The following USH2A variants were observed in gnomAD, a reference collection of about 807,000 sequenced individuals.
USH2A encodes the protein usherin.
In USH2A, 443 loss-of-function variants were observed where a neutral mutation model predicts 538.9. The observed-to-expected ratio is 0.82, with a 90% CI of 0.76 to 0.89. USH2A has a LOEUF of 0.89. USH2A is among the 40% of genes least tolerant of loss of function. The probability of loss-of-function intolerance (pLI) is 0.00; values close to 1 mark genes in which losing one functional copy is unlikely to be tolerated. For synonymous variants in USH2A, 2,413 were observed against 2,273.5 expected (o/e 1.06, Z -1.75); for missense variants, 6,633 against 6,324.8 (o/e 1.05, Z -1.65).
chr1:215,630,364 T>G, intron 70 of USH2A: 1 of 432,324 alleles, frequency 2.3e-6, no homozygotes, highest in Non-Finnish European at 4.7e-6. Flanking sequence ...AATACTGCTC[T>G]GATGTACATA....
chr1:215,915,128 T>C (rs185810351), intron 38 of USH2A, among the ~76,000 whole-genome samples: 1 of 152,210 alleles, frequency 6.6e-6, no homozygotes, highest in African/African-American at 2.4e-5. Flanking sequence ...TGAAGCTTCA[T>C]AACATAAATG....
At chr1:216,228,978 C>G (rs1190971421) in intron 14 of USH2A, among the ~76,000 whole-genome samples, 1 of 152,066 alleles carries the variant, frequency 6.6e-6, no homozygotes, top group African/African-American at 2.4e-5. Flanking sequence ...CTAAGACCAG[C>G]CTGACCAACA....
intron 38 of USH2A, among the ~76,000 whole-genome samples, chr1:215,926,287 AAGGTCTT>A (rs1264929070): frequency 6.6e-6 from 1 of 151,574 alleles, no homozygotes; most frequent in Non-Finnish European, 1.5e-5. Flanking sequence ...TCATTGCTCT[AAGGTCTT>A]AGAAAGAGAT....
chr1:216,411,614 G>T (rs908103730), intron 3 of USH2A, among the ~76,000 whole-genome samples: 1 of 152,072 alleles, frequency 6.6e-6, no homozygotes, highest in African/African-American at 2.4e-5. Flanking sequence ...TCATGCAGTG[G>T]GTGGTGGCTA....
intron 9 of USH2A, among the ~76,000 whole-genome samples, chr1:216,299,111 G>C (rs1258146274): frequency 6.6e-6 from 1 of 152,054 alleles, no homozygotes; most frequent in African/African-American, 2.4e-5. Context: ...CAAAGTGCTA[G>C]GTTTACAGGC....
At chr1:215,814,456 A>T (rs1199597649) in intron 48 of USH2A, among the ~76,000 whole-genome samples, 9 of 152,122 alleles carry the variant, frequency 5.9e-5, no homozygotes, top group South Asian at 2.1e-4. Flanking sequence ...AATTAAATTT[A>T]AAAAATTGTA....
chr1:216,019,259 GC>G (rs1486082518), intron 32 of USH2A, among the ~76,000 whole-genome samples: 2 of 152,166 alleles, frequency 1.3e-5, no homozygotes, highest in Non-Finnish European at 2.9e-5. Flanking sequence ...GTAGCAAAAT[GC>G]AGTACAAGCT....
At chr1:216,076,751 C>G (rs568212714) in intron 27 of USH2A, among the ~76,000 whole-genome samples, 2 of 152,246 alleles carry the variant, frequency 1.3e-5, no homozygotes, top group East Asian at 3.9e-4. Flanking sequence ...TAAGAGCTTG[C>G]CATATATTTT....
Position 215,674,226 on chromosome 1 carries a change from A to T in USH2A, c.13685T>A (p.Ile4562Asn). 6.2e-7 allele frequency: 1 copy of T among 1,614,098 alleles called. No individual in the cohort carries two copies. The highest frequency in any genetic ancestry group is 1.1e-5 in the South Asian group (1 of 91,078). The change falls in exon 63 of 72, where the codon ATC (isoleucine) becomes AAC (asparagine). Residue 4562 changes from isoleucine to asparagine, a missense_variant. Coordinates refer to ENST00000307340, the MANE Select transcript of USH2A (RefSeq NM_206933.4). ...WDPPVRTNGD[I>N]INYTLFIREL... ...ACGGATGAAGAGGGTATAATTGATG[A>T]TATCACCATTTGTTCTCACTGGAGG...
intron 27 of USH2A, among the ~76,000 whole-genome samples, chr1:216,075,485 C>T (rs1178341825): frequency 6.6e-6 from 1 of 152,194 alleles, no homozygotes; most frequent in Non-Finnish European, 1.5e-5. Flanking sequence ...CACCACCACC[C>T]CTGGGCCTCT....
rs1256892868 is a variant in USH2A, at chr1:215,627,439, TC to T, written c.15519+1374del. 9.8e-3 allele frequency among the ~76,000 whole-genome samples: 822 copies of T among 84,014 alleles called. 29 individuals are homozygous for T. The highest frequency in any genetic ancestry group is 0.011 in the Non-Finnish European group (373 of 33,740). The allele number at this position is 84,014 out of a possible 152,430, so 55.1% of individuals were successfully genotyped here. On this transcript the variant is annotated intron_variant, in intron 71 of 71. Transcript: ENST00000307340. ...TTCCTTCCTTCCTTCCTTCCTTCCT[TC>T]CTTCCTTCCTTCCTTCCTTCCTTCC... is the stretch of plus-strand genomic sequence containing the variant.
intron 16 of USH2A, chr1:216,201,721 G>A (rs899446790): frequency 3.5e-4 from 76 of 216,680 alleles, no homozygotes; most frequent in African/African-American, 1.8e-3. Flanking sequence ...ACTCAGGTGA[G>A]GGCCACTGTC....
At chr1:215,872,725 T>C (rs1417654825) in intron 43 of USH2A, among the ~76,000 whole-genome samples, 1 of 152,062 alleles carries the variant, frequency 6.6e-6, no homozygotes, top group African/African-American at 2.4e-5. Context: ...TAGGCCCTAA[T>C]GGGATGTGCT....
chr1:215,860,390 G>T (rs1664284287), intron 44 of USH2A, among the ~76,000 whole-genome samples: 1 of 150,870 alleles, frequency 6.6e-6, no homozygotes, highest in Admixed American at 6.7e-5. Context: ...AGCTAAGAAT[G>T]GTTTGTACAT....
intron 3 of USH2A, among the ~76,000 whole-genome samples, chr1:216,415,322 G>A (rs1475437245): frequency 1.3e-5 from 2 of 151,948 alleles, no homozygotes; most frequent in East Asian, 1.9e-4. Context: ...ACGTCAAGGC[G>A]GGCAGGGTAT....
At chr1:216,212,116 T>G (rs2102488585) in intron 15 of USH2A, among the ~76,000 whole-genome samples, 1 of 152,288 alleles carries the variant, frequency 6.6e-6, no homozygotes, top group Non-Finnish European at 1.5e-5. Context: ...AGATAGATGT[T>G]TCACTCCCAT....
rs1384084658 is a variant in USH2A at position 216,311,732 on chromosome 1, C to A, written c.1644+10151G>T. On this transcript the variant is annotated intron_variant, in intron 9 of 71. Coordinates refer to ENST00000307340, the MANE Select transcript of USH2A (RefSeq NM_206933.4). The stretch of plus-strand genomic sequence containing the variant: ...GCAGGTGGAGCTTGAACTATCAAGA[C>A]AAAATAATGTCATGCGAGAGTTCCA... Among the ~76,000 whole-genome samples, 4 of 151,994 alleles carry A rather than the reference C, an allele frequency of 2.6e-5. No individual in the cohort carries two copies. The East Asian group carries it at 7.7e-4, about 29-fold the overall frequency.
chr1:215,901,025 A>G, intron 38 of USH2A, 120 bp from the exon 39 acceptor site: 2 of 1,211,768 alleles, frequency 1.7e-6, no homozygotes, highest in Admixed American at 1.9e-5. Flanking sequence ...AATGTTAAAC[A>G]TGGTCCATTT....
At chr1:215,747,889 TG>T (rs539205800) in intron 58 of USH2A, among the ~76,000 whole-genome samples, 4 of 89,118 alleles carry the variant, frequency 4.5e-5, no homozygotes, top group African/African-American at 1.2e-4. Flanking sequence ...TTTGTTTGTT[TG>T]GTTTTTTTTT....
Sources: gnomAD v4.1 joint callset for allele counts (sites outside exome capture counted in the v4.1 genomes callset) on GRCh38, gnomAD v4.1.1 for gene constraint, MANE v1.5 for transcripts, NCBI Gene and HGNC (gene_info 2026-07-23, HGNC 2026-07-21) for gene names.